Variants in DPP10 observed in about 807,000 individuals in gnomAD.
DPP10 encodes the protein dipeptidyl peptidase like 10.
DPP10 carries 33 observed loss-of-function variants against 120.9 expected under a neutral mutation model. That is an observed-to-expected ratio of 0.27 (90% CI 0.21 to 0.37). The LOEUF (loss-of-function observed/expected upper bound fraction) is 0.37. DPP10 is among the 10% of genes least tolerant of loss of function. DPP10 has a pLI of 1.00. For missense variants in DPP10, 816 were observed against 942.8 expected (o/e 0.87, Z 1.76); for synonymous variants, 337 against 326.1 (o/e 1.03, Z -0.36).
chr2:114,762,232 A>G (rs1204763103), intron 1 of DPP10, among the ~76,000 whole-genome samples: 2 of 152,242 alleles, frequency 1.3e-5, no homozygotes, highest in Admixed American at 6.5e-5. Context: ...GGAAGCCTTA[A>G]GCATTAGATC....
chr2:115,042,008 C>CTTTTTTTTTT (rs5833573), intron 1 of DPP10, among the ~76,000 whole-genome samples: 78 of 80,268 alleles, frequency 9.7e-4, no homozygotes, highest in Admixed American at 1.3e-3. Flanking sequence ...TCTATCTTAT[C>CTTTTTTTTTT]TTTTTTTTTT....
intron 1 of DPP10, among the ~76,000 whole-genome samples, chr2:115,015,017 C>A (rs950917240): frequency 3.9e-5 from 6 of 152,076 alleles, no homozygotes; most frequent in African/African-American, 1.5e-4. Context: ...CAGCATCATC[C>A]TGATACCAAA....
At chr2:114,458,184 GTTTCTTTCCTGGCAAAGCCTTAAC>G (rs796362612) in intron 1 of DPP10, among the ~76,000 whole-genome samples, 5 of 152,288 alleles carry the variant, frequency 3.3e-5, no homozygotes, top group African/African-American at 1.2e-4. Context: ...TTCTGCCAGA[GTTTCTTTCCTGGCAAAGCCTTAAC>G]AAATAGTACC....
chr2:115,494,224 G>A (rs1163001212), intron 3 of DPP10, among the ~76,000 whole-genome samples: 1 of 152,092 alleles, frequency 6.6e-6, no homozygotes, highest in African/African-American at 2.4e-5. Context: ...TTACAAGCAT[G>A]AGCCACCGTG....
intron 5 of DPP10, among the ~76,000 whole-genome samples, chr2:115,658,491 C>T (rs1253238539): frequency 6.6e-6 from 1 of 151,710 alleles, no homozygotes; most frequent in Non-Finnish European, 1.5e-5. Context: ...CTATATTTTA[C>T]TCATCAAAGT....
chr2:114,614,357 T>C (rs1693521236), intron 1 of DPP10, among the ~76,000 whole-genome samples: 1 of 152,174 alleles, frequency 6.6e-6, no homozygotes, highest in Non-Finnish European at 1.5e-5. Flanking sequence ...TTATTGCTGT[T>C]GCCCTCTCTC....
chr2:115,533,535 A>C (rs939262852), intron 5 of DPP10, among the ~76,000 whole-genome samples: 3 of 152,096 alleles, frequency 2.0e-5, no homozygotes, highest in South Asian at 4.1e-4. Context: ...CTACTGCTTT[A>C]AGAAGTAACT....
chr2:114,841,232 T>A (rs1688131834), intron 1 of DPP10, among the ~76,000 whole-genome samples: 1 of 152,190 alleles, frequency 6.6e-6, no homozygotes, highest in Non-Finnish European at 1.5e-5. Flanking sequence ...TATTTTCCCC[T>A]TCATGTTGGT....
intron 1 of DPP10, among the ~76,000 whole-genome samples, chr2:114,961,854 T>A (rs1574581543): frequency 6.6e-6 from 1 of 152,184 alleles, no homozygotes; most frequent in East Asian, 1.9e-4. Context: ...CTAGGGAGGC[T>A]GAGGCAGGAG....
chr2:115,576,850 A>T (rs1422192032), intron 5 of DPP10, among the ~76,000 whole-genome samples: 1 of 152,202 alleles, frequency 6.6e-6, no homozygotes, highest in Non-Finnish European at 1.5e-5. Flanking sequence ...AAATGAGACA[A>T]TACAGAGTAA....
At chr2:115,445,079 G>GCT (rs1301349007) in intron 3 of DPP10, among the ~76,000 whole-genome samples, 1 of 151,992 alleles carries the variant, frequency 6.6e-6, no homozygotes, top group Non-Finnish European at 1.5e-5. Context: ...TGGTTACCCT[G>GCT]CTCTCTCTCT....
In DPP10 at chr2:114,821,875, G is replaced by T. The variant is rs549115340; in HGVS notation, c.60+379037G>T. Among the ~76,000 whole-genome samples, 53 of 152,306 alleles carry T rather than the reference G, an allele frequency of 3.5e-4. 1 individual carries two copies. The South Asian group carries it at 9.9e-3, about 29-fold the overall frequency. The stretch of plus-strand genomic sequence containing the variant: ...AAGTTGGCTCCCACAGCCTTAGGCA[G>T]CTCCACCCCTGTGGTTTTGCAGAGT... On this transcript the variant is annotated intron_variant, in intron 1 of 25. Transcript: ENST00000410059.
At chr2:115,672,621 C>CTTCTTTCTTTCTTTCTTTCT (rs10648127) in intron 5 of DPP10, among the ~76,000 whole-genome samples, 2 of 145,560 alleles carry the variant, frequency 1.4e-5, no homozygotes, top group South Asian at 4.5e-4. Flanking sequence ...CATGGCGCCC[C>CTTCTTTCTTTCTTTCTTTCT]TTCTTTCTTT....
intron 5 of DPP10, among the ~76,000 whole-genome samples, chr2:115,637,780 C>T (rs1010887418): frequency 1.3e-5 from 2 of 152,186 alleles, no homozygotes; most frequent in Non-Finnish European, 1.5e-5. Context: ...ACACAGCTCT[C>T]ACTGATGGAC....
chr2:114,509,307 A>G (rs1683942366), intron 1 of DPP10, among the ~76,000 whole-genome samples: 1 of 152,206 alleles, frequency 6.6e-6, no homozygotes, highest in South Asian at 2.1e-4. Context: ...TGTTATGAAG[A>G]TTTGTTGAAT....
intron 1 of DPP10, among the ~76,000 whole-genome samples, chr2:114,576,252 C>T (rs373538596): frequency 2.6e-5 from 4 of 152,172 alleles, no homozygotes; most frequent in African/African-American, 9.7e-5. Flanking sequence ...GATAATTAAA[C>T]ATCCAGGGAC....
At chr2:114,882,558 A>G (rs528173622) in intron 1 of DPP10, among the ~76,000 whole-genome samples, 2 of 152,178 alleles carry the variant, frequency 1.3e-5, no homozygotes, top group East Asian at 3.9e-4. Context: ...AAATGACTAA[A>G]TATCAGGTAT....
intron 1 of DPP10, among the ~76,000 whole-genome samples, chr2:114,477,659 C>A (rs1177411830): frequency 6.8e-6 from 1 of 146,332 alleles, no homozygotes; most frequent in East Asian, 2.0e-4. Flanking sequence ...GTGGTGCGCA[C>A]CTGTAATCCC....
At chr2:114,692,102 T>C (rs1480518021) in intron 1 of DPP10, among the ~76,000 whole-genome samples, 2 of 152,102 alleles carry the variant, frequency 1.3e-5, no homozygotes, top group African/African-American at 4.8e-5. Context: ...GCTTTGATCT[T>C]GGTTATTTCT....
Sources: allele counts gnomAD v4.1 joint callset (sites outside exome capture counted in the v4.1 genomes callset), GRCh38; gene constraint gnomAD v4.1.1; transcripts MANE v1.5; gene names NCBI Gene and HGNC (gene_info 2026-07-23, HGNC 2026-07-21).